Variants in ENOX2 observed in about 807,000 individuals in gnomAD.
ENOX2 encodes the protein APK1 antigen.
A neutral mutation model predicts 45.0 loss-of-function variants in ENOX2; 36 were observed. The observed-to-expected ratio is 0.80, with a 90% CI of 0.61 to 1.06. The LOEUF is 1.06. ENOX2 is among the 50% of genes least tolerant of loss of function. The probability of loss-of-function intolerance (pLI) is 0.00; values close to 1 mark genes in which losing one functional copy is unlikely to be tolerated. For synonymous variants in ENOX2, 174 were observed against 152.3 expected (o/e 1.14, Z -1.05); for missense variants, 423 against 462.5 (o/e 0.91, Z 0.78).
chrX:130,897,109 T>C lies in ENOX2; in HGVS notation c.-183+4575A>G, dbSNP rs763656107. ...ATGACATCGGCTCCCATGAGACACA[T>C]TGTTTCTTGTACATTCAATTCTATC... On this transcript the variant is annotated intron_variant, in intron 2 of 14. Transcript: ENST00000394363. 6.2e-5 allele frequency among the ~76,000 whole-genome samples: 7 copies of C among 112,036 alleles called. No individual in the cohort carries two copies. In the Middle Eastern group the frequency reaches 0.014, roughly 221 times the overall value.
chrX:130,644,660 A>G (rs2036180290), intron 10 of ENOX2, among the ~76,000 whole-genome samples: 1 of 112,018 alleles, frequency 8.9e-6, no homozygotes. Context: ...ATACTATAGG[A>G]TTACAACTAT....
At position 130,762,741 on chromosome X, in the gene ENOX2, TA is replaced by T. The variant is rs777777290; in HGVS notation, c.-39+20805del. Among the ~76,000 whole-genome samples, 3 of 112,281 alleles carry T rather than the reference TA, an allele frequency of 2.7e-5. No individual in the cohort carries two copies. In the South Asian group the frequency reaches 1.1e-3, roughly 41 times the overall value. On this transcript the variant is annotated intron_variant, in intron 3 of 14. Transcript: ENST00000394363. ...GCATGCTCTATATGATTCAAATTTT[TA>T]ATAATTTTTTGAGGTTTGTTTAATG...
chrX:130,816,841 A>G (rs2077495779), intron 2 of ENOX2, among the ~76,000 whole-genome samples: 1 of 111,842 alleles, frequency 8.9e-6, no homozygotes, highest in South Asian at 3.7e-4. Flanking sequence ...CCCTAACATC[A>G]CAATTAAAAG....
chrX:130,654,735 C>A (rs12388815), intron 10 of ENOX2, among the ~76,000 whole-genome samples: 1,395 of 112,131 alleles, frequency 0.012, 21 homozygotes, highest in African/African-American at 0.043. Context: ...GCTTTATTTG[C>A]CAAAGCAGCA....
intron 9 of ENOX2, among the ~76,000 whole-genome samples, chrX:130,657,505 T>C (rs1300263342): frequency 3.6e-5 from 4 of 111,618 alleles, no homozygotes; most frequent in Non-Finnish European, 5.6e-5. Context: ...AAGGAGACAA[T>C]AGAGGCAGGG....
chrX:130,711,785 A>G (rs2038198607), intron 3 of ENOX2, among the ~76,000 whole-genome samples: 1 of 111,528 alleles, frequency 9.0e-6, no homozygotes, highest in African/African-American at 3.3e-5. Context: ...GGTCCTGAAG[A>G]CAGCCACCTC....
chrX:130,688,471 A>G (rs891754162), intron 5 of ENOX2, among the ~76,000 whole-genome samples: 1 of 112,235 alleles, frequency 8.9e-6, no homozygotes, highest in African/African-American at 3.2e-5. Context: ...GCAGTGGAAG[A>G]TTCTTAGCAC....
chrX:130,670,721 T>G (rs990586645), intron 6 of ENOX2, among the ~76,000 whole-genome samples: 1 of 109,064 alleles, frequency 9.2e-6, no homozygotes, highest in African/African-American at 3.4e-5. Flanking sequence ...GTGAGCCATT[T>G]TTTTTCTAAA....
chrX:130,722,495 C>T (rs1343482714), intron 3 of ENOX2, among the ~76,000 whole-genome samples: 2 of 111,704 alleles, frequency 1.8e-5, no homozygotes, highest in East Asian at 2.8e-4. Flanking sequence ...GGTCAGAGTA[C>T]GCAACCTTTT....
At chrX:130,897,721 A>G (rs904978805) in intron 2 of ENOX2, among the ~76,000 whole-genome samples, 1 of 112,344 alleles carries the variant, frequency 8.9e-6, no homozygotes, top group Non-Finnish European at 1.9e-5. Context: ...CTAATACTAG[A>G]GGAGCAAGCA....
At chrX:130,869,738 A>G (rs2078542755) in intron 2 of ENOX2, among the ~76,000 whole-genome samples, 1 of 111,727 alleles carries the variant, frequency 9.0e-6, no homozygotes, top group South Asian at 3.7e-4. Context: ...TTTCTAACAA[A>G]CTTCCACCAT....
At chrX:130,663,110 CG>C (rs2036736621) in intron 9 of ENOX2, among the ~76,000 whole-genome samples, 1 of 112,310 alleles carries the variant, frequency 8.9e-6, no homozygotes, top group African/African-American at 3.2e-5. Context: ...AGTATATATC[CG>C]CTAGATAAGT....
intron 2 of ENOX2, among the ~76,000 whole-genome samples, chrX:130,855,017 T>C (rs1240731710): frequency 2.7e-5 from 3 of 111,618 alleles, no homozygotes; most frequent in African/African-American, 9.8e-5. Context: ...AGACATATCC[T>C]GTCACCATTC....
At chrX:130,898,908 T>C (rs1392089441) in intron 2 of ENOX2, among the ~76,000 whole-genome samples, 5 of 110,766 alleles carry the variant, frequency 4.5e-5, no homozygotes, top group African/African-American at 1.6e-4. Flanking sequence ...TATTGACGAA[T>C]TGCTCTCCAG....
At chrX:130,642,345 T>C (rs1328320857) in intron 10 of ENOX2, among the ~76,000 whole-genome samples, 1 of 112,102 alleles carries the variant, frequency 8.9e-6, no homozygotes, top group Non-Finnish European at 1.9e-5. Flanking sequence ...TGGAGCCTCC[T>C]GATAAAAGTT....
intron 5 of ENOX2, among the ~76,000 whole-genome samples, chrX:130,680,017 C>T (rs757929885): frequency 2.1e-4 from 23 of 111,764 alleles, no homozygotes; most frequent in Non-Finnish European, 3.8e-4. Context: ...TAGTTTTGTT[C>T]GTTACTTTTG....
intron 3 of ENOX2, among the ~76,000 whole-genome samples, chrX:130,765,357 C>G (rs1384337846): frequency 9.0e-6 from 1 of 111,257 alleles, no homozygotes; most frequent in Non-Finnish European, 1.9e-5. Flanking sequence ...TCTCCTAAAT[C>G]CTGTGTTCAT....
At chrX:130,811,382 A>T (rs772605249) in intron 2 of ENOX2, among the ~76,000 whole-genome samples, 2 of 111,709 alleles carry the variant, frequency 1.8e-5, no homozygotes, top group South Asian at 7.6e-4. Context: ...ATTCAAGTAG[A>T]CTCAATCAAC....
chrX:130,648,331 G>A (rs1001040558), intron 10 of ENOX2, among the ~76,000 whole-genome samples: 2 of 109,756 alleles, frequency 1.8e-5, no homozygotes, highest in African/African-American at 6.7e-5. Flanking sequence ...CCAGCTACTC[G>A]GGAGGCTGAG....
Sources: gnomAD v4.1 joint callset for allele counts (sites outside exome capture counted in the v4.1 genomes callset) on GRCh38, gnomAD v4.1.1 for gene constraint, MANE v1.5 for transcripts, NCBI Gene and HGNC (gene_info 2026-07-23, HGNC 2026-07-21) for gene names.